Variants in HTR2C observed in about 807,000 individuals in gnomAD.
HTR2C encodes the protein 5-hydroxytryptamine receptor 2C.
Under a neutral mutation model 21.0 loss-of-function variants are expected in HTR2C, and 5 were observed. The ratio of observed to expected loss-of-function variants is 0.24; its 90% CI spans 0.12 to 0.50. HTR2C has a LOEUF of 0.50. HTR2C is among the 20% of genes least tolerant of loss of function. The probability of loss-of-function intolerance (pLI) is 0.98; values close to 1 mark genes in which losing one functional copy is unlikely to be tolerated. For missense variants in HTR2C, 271 were observed against 371.2 expected, an observed-to-expected ratio of 0.73 and a Z score of 2.22; for synonymous variants, 150 against 145.3, an observed-to-expected ratio of 1.03 and a Z score of -0.23.
chrX:114,769,508 G>A (rs1239348106), intron 4 of HTR2C, among the ~76,000 whole-genome samples: 1 of 110,445 alleles, frequency 9.1e-6, no homozygotes, highest in African/African-American at 3.3e-5. Context: ...CCTTTAAAGT[G>A]TACAATTCAG....
intron 2 of HTR2C, among the ~76,000 whole-genome samples, chrX:114,694,090 C>T (rs1460102830): frequency 9.0e-6 from 1 of 111,203 alleles, no homozygotes; most frequent in African/African-American, 3.3e-5. Context: ...CAATTAATAT[C>T]TTTGGAACTG....
chrX:114,828,141 T>A (rs1022749007), intron 4 of HTR2C, among the ~76,000 whole-genome samples: 1 of 111,558 alleles, frequency 9.0e-6, no homozygotes, highest in Non-Finnish European at 1.9e-5. Flanking sequence ...TTTTAATTTT[T>A]TCACACTGTT....
rs1226415154 is a variant in HTR2C at position 114,805,669 on chromosome X, T to A, written c.350-42334T>A. Among the ~76,000 whole-genome samples the A allele has an allele frequency of 1.8e-4, 3 of 16,973 alleles. 1 individual carries two copies. Among genetic ancestry groups the A allele is most frequent in the African/African-American group, 4.8e-4 (3 of 6,240 alleles). 14.7% of individuals were successfully genotyped at this position (16,973 alleles called of 115,157 possible). A position where few individuals can be genotyped will look rare whatever the true frequency, so the allele number is the denominator to read the frequency against. ...ATACACCATATATATACCATATATA[T>A]ACACCATATATATACCATATATATA... On this transcript the variant is annotated intron_variant, in intron 4 of 5. Transcript: ENST00000276198.
At chrX:114,667,820 G>A (rs1931233485) in intron 2 of HTR2C, among the ~76,000 whole-genome samples, 1 of 111,795 alleles carries the variant, frequency 8.9e-6, no homozygotes, top group Admixed American at 9.5e-5. Context: ...TCCTGATTAT[G>A]AGCCAGAAAC....
intron 2 of HTR2C, among the ~76,000 whole-genome samples, chrX:114,649,470 A>T (rs1304719617): frequency 8.9e-6 from 1 of 112,387 alleles, no homozygotes; most frequent in Non-Finnish European, 1.9e-5. Flanking sequence ...TTTTCTCTGA[A>T]GAATGCTTTG....
At chrX:114,903,475 C>T (rs191457488) in intron 5 of HTR2C, among the ~76,000 whole-genome samples, 119 of 112,267 alleles carry the variant, frequency 1.1e-3, no homozygotes, top group African/African-American at 3.6e-3. Context: ...ATTAGAATCA[C>T]CCTTTCCTCA....
rs1300848546 is a variant in HTR2C, at chrX:114,879,592, T to C, written c.551-26997T>C. On this transcript the variant is annotated intron_variant, in intron 5 of 5. Transcript: ENST00000276198. ...ACACTGAACCCAATTTGTAGTCTTT[T>C]ATTCCTCACCCGCCTCCTATCCTTT... Among the ~76,000 whole-genome samples, 5 of 110,675 alleles carry C rather than the reference T, an allele frequency of 4.5e-5. No homozygotes were observed. In the East Asian group the frequency reaches 1.1e-3, roughly 25 times the overall value.
intron 5 of HTR2C, among the ~76,000 whole-genome samples, chrX:114,881,533 G>A (rs185671737): frequency 2.4e-4 from 26 of 108,273 alleles, no homozygotes; most frequent in Admixed American, 2.4e-3. Flanking sequence ...GCAAGATAAG[G>A]GTATGATTTT....
At chrX:114,746,704 G>T (rs2147362629) in intron 4 of HTR2C, among the ~76,000 whole-genome samples, 1 of 110,882 alleles carries the variant, frequency 9.0e-6, no homozygotes, top group South Asian at 3.8e-4. Flanking sequence ...AAAAAAGAGA[G>T]GCCGGGCACG....
intron 2 of HTR2C, among the ~76,000 whole-genome samples, chrX:114,681,462 A>G (rs1556413488): frequency 9.0e-6 from 1 of 111,071 alleles, no homozygotes; most frequent in Non-Finnish European, 1.9e-5. Flanking sequence ...TGATGCTTCA[A>G]GAGAACGACT....
chrX:114,871,919 A>G (rs140082392), intron 5 of HTR2C, among the ~76,000 whole-genome samples: 3,662 of 108,740 alleles, frequency 0.034, 164 homozygotes, highest in African/African-American at 0.11. Context: ...GAATTTTTCC[A>G]TTTCATATAG....
At chrX:114,689,519 AT>A (rs1185341532) in intron 2 of HTR2C, among the ~76,000 whole-genome samples, 7 of 104,974 alleles carry the variant, frequency 6.7e-5, no homozygotes, top group Non-Finnish European at 1.4e-4. Flanking sequence ...ACCAACATCT[AT>A]TTTTTTTTTA....
chrX:114,812,856 C>T (rs2070548565), intron 4 of HTR2C, among the ~76,000 whole-genome samples: 1 of 111,223 alleles, frequency 9.0e-6, no homozygotes, highest in Non-Finnish European at 1.9e-5. Context: ...TGAGTAATAC[C>T]AGTTTATAAA....
chrX:114,889,334 A>G (rs1485802512), intron 5 of HTR2C, among the ~76,000 whole-genome samples: 7 of 111,826 alleles, frequency 6.3e-5, no homozygotes, highest in African/African-American at 2.3e-4. Flanking sequence ...CATCTTCAAC[A>G]TTCAGCCAAT....
intron 2 of HTR2C, among the ~76,000 whole-genome samples, chrX:114,637,032 G>A (rs138997827): frequency 0.013 from 1,480 of 111,336 alleles, 20 homozygotes; most frequent in Non-Finnish European, 0.017. Flanking sequence ...AGTCAGTACC[G>A]TTTACTAATT....
chrX:114,645,219 C>T (rs182248063), intron 2 of HTR2C, among the ~76,000 whole-genome samples: 240 of 109,787 alleles, frequency 2.2e-3, no homozygotes, highest in Non-Finnish European at 3.0e-3. Context: ...AAAAAAAATA[C>T]GTAACATTGA....
chrX:114,648,325 G>A (rs890545938), intron 2 of HTR2C, among the ~76,000 whole-genome samples: 4 of 111,350 alleles, frequency 3.6e-5, no homozygotes, highest in Admixed American at 1.9e-4. Context: ...TGACCTTCCT[G>A]CTTCTGCTGT....
rs73638458 is a variant in HTR2C, at chrX:114,688,471, A to G, written c.-79-38387A>G. Among the ~76,000 whole-genome samples the G allele has an allele frequency of 7.4e-3, 828 of 111,848 alleles. 8 individuals are homozygous for G. Among genetic ancestry groups the G allele is most frequent in the African/African-American group, 0.025 (774 of 30,821 alleles). The stretch of plus-strand genomic sequence containing the variant: ...TGATAAACATACATAAGCAACCATG[A>G]CATAATTTAAAAATCGTCTTATAAT... On this transcript the variant is annotated intron_variant, in intron 2 of 5. Coordinates refer to ENST00000276198, the MANE Select transcript of HTR2C (RefSeq NM_000868.4).
At chrX:114,703,223 A>C (rs1932616153) in intron 2 of HTR2C, among the ~76,000 whole-genome samples, 2 of 107,624 alleles carry the variant, frequency 1.9e-5, no homozygotes, top group African/African-American at 3.4e-5. Context: ...ATAGACATCT[A>C]CAGAACTCTC....
Sources: gnomAD v4.1 joint callset for allele counts (sites outside exome capture counted in the v4.1 genomes callset) on GRCh38, gnomAD v4.1.1 for gene constraint, MANE v1.5 for transcripts, NCBI Gene and HGNC (gene_info 2026-07-23, HGNC 2026-07-21) for gene names.